Variants in TNKS observed in about 807,000 individuals in gnomAD.
TNKS encodes the protein tankyrase, also known as poly [ADP-ribose] polymerase tankyrase-1.
A neutral mutation model predicts 135.8 loss-of-function variants in TNKS; 72 were observed. That is an observed-to-expected ratio of 0.53 (90% CI 0.44 to 0.64). The LOEUF (loss-of-function observed/expected upper bound fraction) is 0.64, where lower values mean the gene tolerates loss of function less well. Among genes scored for constraint, TNKS ranks in the 30% least tolerant of loss-of-function variants. The pLI is 0.00. For missense variants in TNKS, 1,769 were observed against 1,674.0 expected, an observed-to-expected ratio of 1.06 and a Z score of -0.99; for synonymous variants, 849 against 649.3, an observed-to-expected ratio of 1.31 and a Z score of -4.68.
intron 1 of TNKS, among the ~76,000 whole-genome samples, chr8:9,561,313 T>G (rs1797323278): frequency 6.6e-6 from 1 of 152,238 alleles, no homozygotes; most frequent in African/African-American, 2.4e-5. Flanking sequence ...GTAACTGAAC[T>G]TATGACTTTC....
intron 2 of TNKS, among the ~76,000 whole-genome samples, chr8:9,604,013 G>A (rs919162998): frequency 4.6e-5 from 7 of 151,850 alleles, no homozygotes; most frequent in African/African-American, 1.7e-4. Context: ...AATAAAAAGA[G>A]GAAGTAAAAT....
chr8:9,624,196 G>A (rs953568519), intron 3 of TNKS, among the ~76,000 whole-genome samples: 4 of 152,100 alleles, frequency 2.6e-5, no homozygotes, highest in African/African-American at 9.7e-5. Context: ...TACTCTGAGA[G>A]CAGCTGTCAT....
Position 9,726,683 on chromosome 8 carries a change from T to C in TNKS, c.1964T>C (p.Leu655Ser). 1 of 1,613,630 alleles carries C rather than the reference T, an allele frequency of 6.2e-7. No homozygotes were observed. The highest frequency in any genetic ancestry group is 8.5e-7 in the Non-Finnish European group (1 of 1,179,856). The change falls in exon 13 of 27, where the codon TTA becomes TCA. Residue 655 changes from leucine (L) to serine (S), a missense_variant. By Grantham distance (145) the Leu-to-Ser change is moderately radical. Transcript: ENST00000310430. The part of the protein sequence containing the change: ...IRTSDVDYRL[L>S]EASKAGDLET... ...ACTTCTGATGTTGATTATCGACTCT[T>C]AGAGGCATCTAAAGCTGGAGACTTG...
At chr8:9,736,193 A>G (rs1174108973) in intron 17 of TNKS, among the ~76,000 whole-genome samples, 4 of 151,552 alleles carry the variant, frequency 2.6e-5, no homozygotes, top group Non-Finnish European at 5.9e-5. Context: ...CATGGAAAGT[A>G]TGTTGGCTTA....
chr8:9,647,158 G>A (rs1216000572), intron 3 of TNKS, among the ~76,000 whole-genome samples: 2 of 152,112 alleles, frequency 1.3e-5, no homozygotes, highest in African/African-American at 2.4e-5. Context: ...CCGCAAACAC[G>A]CATAGAAACA....
intron 2 of TNKS, among the ~76,000 whole-genome samples, chr8:9,593,919 C>G (rs2128755659): frequency 6.6e-6 from 1 of 151,862 alleles, no homozygotes; most frequent in South Asian, 2.1e-4. Context: ...CGGAGTCTCA[C>G]TCTGTCACCC....
At chr8:9,676,552 T>C (rs1802544695) in intron 3 of TNKS, among the ~76,000 whole-genome samples, 1 of 152,182 alleles carries the variant, frequency 6.6e-6, no homozygotes, top group African/African-American at 2.4e-5. Context: ...AAAAGTAATT[T>C]TGCCTTTACA....
At chr8:9,744,333 G>T (rs942069635) in intron 17 of TNKS, among the ~76,000 whole-genome samples, 2 of 152,104 alleles carry the variant, frequency 1.3e-5, no homozygotes, top group African/African-American at 4.8e-5. Flanking sequence ...TAAATCAATT[G>T]ACTGATTCAT....
chr8:9,567,623 T>C (rs1258748496), intron 1 of TNKS, among the ~76,000 whole-genome samples: 8 of 152,316 alleles, frequency 5.3e-5, no homozygotes, highest in Non-Finnish European at 1.2e-4. Flanking sequence ...TTCACCGTGT[T>C]AGCGAGGATG....
chr8:9,583,352 A>G (rs1208046200), intron 2 of TNKS, among the ~76,000 whole-genome samples: 4 of 152,150 alleles, frequency 2.6e-5, no homozygotes, highest in East Asian at 1.9e-4. Context: ...CAGTTTTTAT[A>G]CTGTAATGTT....
At chr8:9,656,058 G>A (rs920997168) in intron 3 of TNKS, among the ~76,000 whole-genome samples, 1 of 152,208 alleles carries the variant, frequency 6.6e-6, no homozygotes, top group Non-Finnish European at 1.5e-5. Flanking sequence ...AAGAGCTGAT[G>A]GAGCTGAAAA....
chr8:9,734,881 C>G lies in TNKS; in HGVS notation c.2330C>G (p.Thr777Ser). ...KLLLKHGADP[T>S]KKNRDGNTPL... is the part of the protein sequence containing the mutation. ...TCTTTGTAGCATGGAGCAGATCCAA[C>G]TAAAAAGAACAGAGATGGAAATACA... Residue 777 changes from threonine (T) to serine (S), a missense_variant, in exon 16 of 27, where the codon ACT (threonine) becomes AGT (serine). By Grantham distance (58) the Thr-to-Ser change is moderately conservative. Around this residue, in one of 5 missense-constraint regions of TNKS, gnomAD observed 722 missense variants for 688.9 expected, o/e 1.05. Coordinates refer to ENST00000310430, the MANE Select transcript of TNKS (RefSeq NM_003747.3). 1 of 1,613,850 alleles carries G rather than the reference C, an allele frequency of 6.2e-7. No homozygotes were observed. Among genetic ancestry groups the G allele is most frequent in the East Asian group, 2.2e-5 (1 of 44,880 alleles).
chr8:9,570,303 TG>T (rs906151822), intron 1 of TNKS, among the ~76,000 whole-genome samples: 1 of 152,054 alleles, frequency 6.6e-6, no homozygotes, highest in African/African-American at 2.4e-5. Context: ...GCTAGCCAGA[TG>T]TTGTGCTGTA....
intron 26 of TNKS, among the ~76,000 whole-genome samples, chr8:9,773,610 C>T (rs1018794188): frequency 7.9e-5 from 12 of 151,978 alleles, no homozygotes; most frequent in Non-Finnish European, 8.8e-5. Context: ...TTTAAGTTTA[C>T]TTTTCTGAAA....
chr8:9,561,042 G>C (rs181662603), intron 1 of TNKS, among the ~76,000 whole-genome samples: 94 of 152,180 alleles, frequency 6.2e-4, no homozygotes, highest in Non-Finnish European at 9.7e-4. Context: ...TTCAACAATA[G>C]AGAAATGCTT....
chr8:9,693,360 GAAAAC>G (rs979079687), intron 5 of TNKS, among the ~76,000 whole-genome samples: 10 of 151,128 alleles, frequency 6.6e-5, no homozygotes, highest in African/African-American at 2.4e-4. Context: ...AACTCAGAGA[GAAAAC>G]AAATACATGT....
chr8:9,708,375 A>G lies in TNKS; in HGVS notation c.1461A>G (p.Glu487=). 3 of 1,596,572 alleles carry G rather than the reference A, an allele frequency of 1.9e-6. No homozygotes were observed. Among genetic ancestry groups the G allele is most frequent in the Non-Finnish European group, 2.6e-6 (3 of 1,171,748 alleles). ...CAACCATTGTTTCATTGACAGATGAATTTAAAGGTCATTCTTTACTACAAG... is the reference window on the plus strand; with the variant it reads ...CAACCATTGTTTCATTGACAGATGAGTTTAAAGGTCATTCTTTACTACAAG... ...TPELRERLTY[E]FKGHSLLQAA... is the part of the protein sequence containing the mutation. Residue 487 remains glutamate, a synonymous_variant, in exon 9 of 27, where the codon GAA becomes GAG. Transcript: ENST00000310430.
intron 3 of TNKS, chr8:9,670,085 T>C (rs1178777925): frequency 6.6e-6 from 1 of 152,222 alleles, no homozygotes; most frequent in African/African-American, 2.4e-5. Context: ...TGATTGCTTT[T>C]GGTTTTAACT....
intron 3 of TNKS, among the ~76,000 whole-genome samples, chr8:9,623,326 T>G (rs1313961825): frequency 1.3e-5 from 2 of 152,188 alleles, no homozygotes; most frequent in Non-Finnish European, 2.9e-5. Flanking sequence ...TCAATAGACC[T>G]TAAGTTAGTT....
Sources: allele counts gnomAD v4.1 joint callset (sites outside exome capture counted in the v4.1 genomes callset), GRCh38; gene constraint gnomAD v4.1.1; regional missense constraint gnomAD v4.1.1; transcripts MANE v1.5; gene names NCBI Gene and HGNC (gene_info 2026-07-23, HGNC 2026-07-21).